Variants in PRDM10 observed in about 807,000 individuals in gnomAD.
PRDM10 encodes PR/SET domain 10.
PRDM10 carries 65 observed loss-of-function variants against 133.1 expected under a neutral mutation model. The ratio of observed to expected loss-of-function variants is 0.49; its 90% CI spans 0.40 to 0.60. The LOEUF is 0.60. Ranked by LOEUF, PRDM10 falls within the 20% of genes least tolerant of loss-of-function variation. The pLI, the probability that PRDM10 is intolerant of heterozygous loss-of-function variation, is 0.00. For synonymous variants in PRDM10, 582 were observed against 580.4 expected, an observed-to-expected ratio of 1.00 and a Z score of -0.04; for missense variants, 1,137 against 1,507.1, an observed-to-expected ratio of 0.75 and a Z score of 4.07.
At position 129,902,495 on chromosome 11, in the gene PRDM10, T is replaced by C. The variant is rs745536857; in HGVS notation, c.3289A>G (p.Ser1097Gly). Reference sequence around the variant, plus strand: ...TGCTTTTCTTCCAATTCTGATTGACTTTCTGATAACACATAATGACCCTAG... The same window carrying C: ...TGCTTTTCTTCCAATTCTGATTGACCTTCTGATAACACATAATGACCCTAG... ...VTSGHYVLSE[S>G]QSELEEKQTS... Residue 1097 changes from serine (S) to glycine (G), a missense_variant, in exon 21 of 21, where the codon AGT (serine) becomes GGT (glycine). Transcript: ENST00000360871. The C allele has an allele frequency of 3.1e-6, 5 of 1,614,002 alleles. No homozygotes were observed. In the East Asian group the frequency reaches 8.9e-5, roughly 29 times the overall value.
chr11:129,910,033 C>T (rs1007267105), intron 19 of PRDM10, among the ~76,000 whole-genome samples: 1 of 152,150 alleles, frequency 6.6e-6, no homozygotes, highest in Non-Finnish European at 1.5e-5. Context: ...ATATATGGTT[C>T]GGAATCATTC....
intron 1 of PRDM10, among the ~76,000 whole-genome samples, chr11:129,994,420 C>T (rs572005632): frequency 2.7e-5 from 4 of 148,586 alleles, no homozygotes; most frequent in South Asian, 4.4e-4. Context: ...GAGCCGAGAT[C>T]GCACCACTGC....
rs1395049048 is a variant in PRDM10 at position 129,921,227 on chromosome 11, G to A, written c.2034+2021C>T. Reference sequence around the variant, plus strand: ...TGCAATACACAAATGCTATGACAGGGTCACCAGCAAAAGGCCCTGTGGGAA... The same window carrying A: ...TGCAATACACAAATGCTATGACAGGATCACCAGCAAAAGGCCCTGTGGGAA... On this transcript the variant is annotated intron_variant, in intron 13 of 20. Coordinates refer to ENST00000360871, the MANE Select transcript of PRDM10 (RefSeq NM_199437.2). Among the ~76,000 whole-genome samples, 3 of 152,238 alleles carry A rather than the reference G, an allele frequency of 2.0e-5. No homozygotes were observed. The East Asian group carries it at 5.8e-4, about 29-fold the overall frequency.
chr11:129,951,029 T>C (rs1591653697), intron 4 of PRDM10, among the ~76,000 whole-genome samples: 1 of 152,194 alleles, frequency 6.6e-6, no homozygotes, highest in East Asian at 1.9e-4. Flanking sequence ...AAGCGGAGTT[T>C]GGATATTTAC....
chr11:129,911,186 C>T (rs1393941915), intron 18 of PRDM10, among the ~76,000 whole-genome samples: 5 of 151,922 alleles, frequency 3.3e-5, no homozygotes, highest in Non-Finnish European at 7.4e-5. Flanking sequence ...CCAGAGTATG[C>T]AAAAAAATTA....
intron 1 of PRDM10, among the ~76,000 whole-genome samples, chr11:129,962,252 A>G (rs113272050): frequency 6.6e-6 from 1 of 152,238 alleles, no homozygotes; most frequent in African/African-American, 2.4e-5. Context: ...TGGTATTTTA[A>G]AAGTCCACTT....
At chr11:129,916,872 C>T (rs1307657059) in intron 15 of PRDM10, among the ~76,000 whole-genome samples, 1 of 152,044 alleles carries the variant, frequency 6.6e-6, no homozygotes, top group East Asian at 1.9e-4. Flanking sequence ...AGTAATAAAC[C>T]TCTTCTTGTG....
chr11:129,965,164 G>A (rs552718687), intron 1 of PRDM10, among the ~76,000 whole-genome samples: 2 of 151,956 alleles, frequency 1.3e-5, no homozygotes, highest in Non-Finnish European at 2.9e-5. Flanking sequence ...TTGCTTGAAC[G>A]CAAAAGGAAG....
chr11:129,963,910 G>A (rs1951853010), intron 1 of PRDM10, among the ~76,000 whole-genome samples: 1 of 152,172 alleles, frequency 6.6e-6, no homozygotes, highest in South Asian at 2.1e-4. Flanking sequence ...AGCACGCTCA[G>A]CTGTCCTGCC....
chr11:129,991,620 A>T (rs1306622609), intron 1 of PRDM10, among the ~76,000 whole-genome samples: 2 of 152,130 alleles, frequency 1.3e-5, no homozygotes, highest in African/African-American at 2.4e-5. Context: ...GGAGTTCGAG[A>T]CCATCCTGGC....
chr11:129,935,567 T>C (rs1951003293), intron 8 of PRDM10, among the ~76,000 whole-genome samples: 1 of 152,140 alleles, frequency 6.6e-6, no homozygotes, highest in African/African-American at 2.4e-5. Flanking sequence ...CAGACCCAGG[T>C]TTCCTAATCT....
At chr11:129,919,444 A>C (rs1950457161) in intron 13 of PRDM10, among the ~76,000 whole-genome samples, 1 of 152,338 alleles carries the variant, frequency 6.6e-6, no homozygotes, top group Middle Eastern at 3.4e-3. Flanking sequence ...AAAAGAATTT[A>C]AGTAAGAATC....
chr11:129,912,979 G>C (rs1950237199), intron 17 of PRDM10, among the ~76,000 whole-genome samples: 1 of 151,658 alleles, frequency 6.6e-6, no homozygotes. Context: ...AGAATCACTT[G>C]AACCTGGGAG....
chr11:129,915,520 G>T, intron 16 of PRDM10, 140 bp downstream of exon 16: 1 of 961,224 alleles, frequency 1.0e-6, no homozygotes, highest in Non-Finnish European at 1.5e-6. Flanking sequence ...TCTGTTTACA[G>T]TGACTAGGAC....
intron 1 of PRDM10, among the ~76,000 whole-genome samples, chr11:129,996,190 C>A (rs1186458746): frequency 6.6e-6 from 1 of 152,150 alleles, no homozygotes; most frequent in Non-Finnish European, 1.5e-5. Context: ...AACGTAAGCA[C>A]TGAATGTTAC....
At chr11:129,929,139 C>T (rs1591613587) in intron 11 of PRDM10, among the ~76,000 whole-genome samples, 1 of 152,258 alleles carries the variant, frequency 6.6e-6, no homozygotes, top group East Asian at 1.9e-4. Context: ...GAACTCAACA[C>T]TATTGCATAA....
intron 16 of PRDM10, 79 bp downstream of exon 16, chr11:129,915,581 T>A: frequency 6.9e-7 from 1 of 1,449,704 alleles, no homozygotes; most frequent in Non-Finnish European, 9.3e-7. Flanking sequence ...CCAGGCCATG[T>A]GGATGAGAAG....
In PRDM10 at chr11:129,960,931, G is replaced by C; in HGVS notation, c.34C>G (p.Pro12Ala). The C allele has an allele frequency of 6.2e-7, 1 of 1,614,076 alleles. No individual in the cohort carries two copies. The highest frequency in any genetic ancestry group is 8.5e-7 in the Non-Finnish European group (1 of 1,180,022). ...TTCTGTTCATGCTCTGCAGATGTCG[G>C]CCACACATGCGAGCTTTCATCTTTG... Reference protein sequence around the residue: ...DSKDESSHVWPTSAEHEQNAA... With the variant: ...DSKDESSHVWATSAEHEQNAA... Residue 12 changes from proline (P) to alanine (A), a missense_variant, in exon 2 of 21, where the codon CCG (proline) becomes GCG (alanine). Transcript: ENST00000360871.
chr11:129,979,244 C>CA (rs1183292992), intron 1 of PRDM10, among the ~76,000 whole-genome samples: 1 of 151,980 alleles, frequency 6.6e-6, no homozygotes, highest in Non-Finnish European at 1.5e-5. Context: ...CACGTGCCTG[C>CA]AAAAAAACTG....
Sources: allele counts gnomAD v4.1 joint callset (sites outside exome capture counted in the v4.1 genomes callset), GRCh38; gene constraint gnomAD v4.1.1; transcripts MANE v1.5; gene names NCBI Gene and HGNC (gene_info 2026-07-23, HGNC 2026-07-21).